KIF16B: variants seen among roughly 807,000 people sequenced by gnomAD.
KIF16B encodes the protein kinesin family member 16B.
A neutral mutation model predicts 156.3 loss-of-function variants in KIF16B; 98 were observed. That is an observed-to-expected ratio of 0.63 (90% confidence interval 0.53 to 0.74). The LOEUF (loss-of-function observed/expected upper bound fraction) is 0.74. Ranked by LOEUF, KIF16B falls within the 30% of genes least tolerant of loss-of-function variation. KIF16B has a pLI of 0.00. For synonymous variants in KIF16B, 564 were observed against 583.7 expected, an observed-to-expected ratio of 0.97 and a Z score of 0.49; for missense variants, 1,421 against 1,606.5, an observed-to-expected ratio of 0.88 and a Z score of 1.97.
intron 13 of KIF16B, among the ~76,000 whole-genome samples, chr20:16,429,395 C>A (rs763839538): frequency 1.3e-5 from 2 of 152,122 alleles, no homozygotes; most frequent in Non-Finnish European, 2.9e-5. Context: ...AGAGAGAGGG[C>A]ACTAAAGTCA....
At chr20:16,292,866 A>G (rs150118859) in intron 25 of KIF16B, among the ~76,000 whole-genome samples, 1 of 152,362 alleles carries the variant, frequency 6.6e-6, no homozygotes, top group East Asian at 1.9e-4. Flanking sequence ...TGATAACAGT[A>G]CTAAAAGATG....
intron 25 of KIF16B, among the ~76,000 whole-genome samples, chr20:16,282,816 G>A (rs968535029): frequency 6.6e-6 from 1 of 152,180 alleles, no homozygotes; most frequent in Non-Finnish European, 1.5e-5. Context: ...GCTGGTGGTG[G>A]TATCTCTTCT....
At chr20:16,405,001 C>T in intron 16 of KIF16B, 100 bp from the exon 17 acceptor site, 1 of 783,600 alleles carries the variant, frequency 1.3e-6, no homozygotes, top group Non-Finnish European at 2.2e-6. Context: ...ATGAGGTGCA[C>T]ATGCTCCTAA....
At chr20:16,540,970 C>G (rs1488765562) in intron 1 of KIF16B, among the ~76,000 whole-genome samples, 1 of 152,104 alleles carries the variant, frequency 6.6e-6, no homozygotes, top group Non-Finnish European at 1.5e-5. Flanking sequence ...ACCCCAAGCC[C>G]AGAAAGCAAG....
rs76112709 is a variant in KIF16B at position 16,571,279 on chromosome 20, T to G, written c.47+1950A>C. On this transcript the variant is annotated intron_variant, in intron 1 of 25. Coordinates refer to ENST00000354981, the MANE Select transcript of KIF16B (RefSeq NM_024704.5). Reference sequence around the variant, plus strand: ...CCAGTGAGTGGTCTTCCTGTAACTATCCTGCCTTCCAATTTCATCTCTGGC... The same window carrying G: ...CCAGTGAGTGGTCTTCCTGTAACTAGCCTGCCTTCCAATTTCATCTCTGGC... Among the ~76,000 whole-genome samples, 808 of 152,310 alleles carry G rather than the reference T, an allele frequency of 5.3e-3. 4 individuals carry two copies. Among genetic ancestry groups the G allele is most frequent in the Non-Finnish European group, 8.3e-3 (568 of 68,024 alleles).
chr20:16,442,527 T>C (rs570701524), intron 12 of KIF16B, among the ~76,000 whole-genome samples: 1 of 152,026 alleles, frequency 6.6e-6, no homozygotes. Flanking sequence ...GAACTTGTAA[T>C]GGTGTCTTGG....
chr20:16,528,562 G>T, intron 1 of KIF16B, 122 bp from the exon 2 acceptor site: 1 of 706,586 alleles, frequency 1.4e-6, no homozygotes, highest in Non-Finnish European at 2.4e-6. Context: ...TGGCATCTGA[G>T]GAGCAATCCC....
At chr20:16,376,812 A>G (rs1325833913) in intron 19 of KIF16B, among the ~76,000 whole-genome samples, 1 of 152,230 alleles carries the variant, frequency 6.6e-6, no homozygotes, top group South Asian at 2.1e-4. Context: ...CAGGCTACAA[A>G]TTGAGAGTGT....
intron 1 of KIF16B, among the ~76,000 whole-genome samples, chr20:16,568,912 T>TC (rs1472311869): frequency 6.7e-6 from 1 of 148,596 alleles, no homozygotes. Context: ...AACTATGTGC[T>TC]ATGATCTGAA....
intron 1 of KIF16B, among the ~76,000 whole-genome samples, chr20:16,571,705 C>A (rs1352751100): frequency 6.6e-6 from 1 of 151,662 alleles, no homozygotes; most frequent in Non-Finnish European, 1.5e-5. Context: ...TGTCGGCTCA[C>A]TGCCAGCTCT....
At chr20:16,364,984 A>C (rs1211686364) in intron 22 of KIF16B, among the ~76,000 whole-genome samples, 1 of 152,194 alleles carries the variant, frequency 6.6e-6, no homozygotes, top group Non-Finnish European at 1.5e-5. Flanking sequence ...TCTAATATTT[A>C]ACACTCTTTG....
At chr20:16,486,173 G>A (rs1178685509) in intron 12 of KIF16B, among the ~76,000 whole-genome samples, 2 of 152,116 alleles carry the variant, frequency 1.3e-5, no homozygotes, top group African/African-American at 2.4e-5. Flanking sequence ...CTTCTAGAAT[G>A]TAATCTCCAT....
At chr20:16,367,353 T>C in intron 22 of KIF16B, 1 of 1,612,932 alleles carries the variant, frequency 6.2e-7, no homozygotes, top group Non-Finnish European at 8.5e-7. Flanking sequence ...AGACTAGTTC[T>C]ACTGTTGACA....
intron 1 of KIF16B, among the ~76,000 whole-genome samples, chr20:16,570,631 T>C (rs1453121640): frequency 6.6e-6 from 1 of 152,218 alleles, no homozygotes; most frequent in African/African-American, 2.4e-5. Context: ...TTCTGAATCA[T>C]TGACTCTCCT....
Position 16,566,787 on chromosome 20 carries a change from GTC to G in KIF16B, c.47+6440_47+6441del, listed in dbSNP as rs2071271574. Reference sequence around the variant, plus strand: ...TTTATATCTACATTATTGAATATGTGTCTGTTGAGCATTTGAAATGTGCCTAA... The same window carrying G: ...TTTATATCTACATTATTGAATATGTGTGTTGAGCATTTGAAATGTGCCTAA... On this transcript the variant is annotated intron_variant, in intron 1 of 25. Coordinates refer to ENST00000354981, the MANE Select transcript of KIF16B (RefSeq NM_024704.5). Among the ~76,000 whole-genome samples, 4 of 152,286 alleles carry G rather than the reference GTC, an allele frequency of 2.6e-5. No homozygotes were observed. The South Asian group carries it at 8.3e-4, about 32-fold the overall frequency.
rs1401314076 is a variant in KIF16B at position 16,506,007 on chromosome 20, C to T, written c.868+15G>A. 6.2e-7 allele frequency: 1 copy of T among 1,613,550 alleles called. No homozygotes were observed. Among genetic ancestry groups the T allele is most frequent in the East Asian group, 2.2e-5 (1 of 44,884 alleles). ...AGGAGGAAACAGAGGAGGCAGGAGC[C>T]AGGCGTAAGCATACCTAAGGCAGAA... On this transcript the variant is annotated intron_variant, in intron 8 of 25. Coordinates refer to ENST00000354981, the MANE Select transcript of KIF16B (RefSeq NM_024704.5).
At chr20:16,290,461 C>T (rs144267877) in intron 25 of KIF16B, among the ~76,000 whole-genome samples, 10 of 152,280 alleles carry the variant, frequency 6.6e-5, no homozygotes, top group African/African-American at 1.9e-4. Flanking sequence ...CTGGCCTTGG[C>T]GGGCTGTCTG....
At chr20:16,404,628 A>T (rs773182678) in intron 17 of KIF16B, among the ~76,000 whole-genome samples, 185 bp downstream of exon 17, 40 of 152,240 alleles carry the variant, frequency 2.6e-4, no homozygotes, top group Admixed American at 5.2e-4. Context: ...TGTTGTGATT[A>T]TAACTAAGTA....
intron 12 of KIF16B, among the ~76,000 whole-genome samples, chr20:16,461,555 A>T (rs550444037): frequency 1.3e-5 from 2 of 152,354 alleles, no homozygotes; most frequent in South Asian, 2.1e-4. Flanking sequence ...AGTATCAGTG[A>T]TTGAAAAACA....
Sources: allele counts gnomAD v4.1 joint callset (sites outside exome capture counted in the v4.1 genomes callset), GRCh38; gene constraint gnomAD v4.1.1; transcripts MANE v1.5; gene names NCBI Gene and HGNC (gene_info 2026-07-23, HGNC 2026-07-21).